Variants in NEK6 observed in about 807,000 individuals in gnomAD.
NEK6 encodes the protein serine/threonine-protein kinase Nek6.
A neutral mutation model predicts 43.5 loss-of-function variants in NEK6; 27 were observed. The ratio of observed to expected loss-of-function variants is 0.62; its 90% CI spans 0.46 to 0.86. NEK6 has a LOEUF of 0.86. NEK6 is among the 40% of genes least tolerant of loss of function. The pLI is 0.00. For synonymous variants in NEK6, 167 were observed against 164.1 expected, an observed-to-expected ratio of 1.02 and a Z score of -0.14; for missense variants, 318 against 414.4, an observed-to-expected ratio of 0.77 and a Z score of 2.02.
intron 2 of NEK6, among the ~76,000 whole-genome samples, chr9:124,305,171 T>C (rs1404919384): frequency 6.6e-6 from 1 of 152,228 alleles, no homozygotes; most frequent in Non-Finnish European, 1.5e-5. Flanking sequence ...TAGGTGTGCA[T>C]TGCACAGGCC....
intron 4 of NEK6, among the ~76,000 whole-genome samples, chr9:124,318,766 G>C (rs1833932923): frequency 6.6e-6 from 1 of 152,066 alleles, no homozygotes; most frequent in Non-Finnish European, 1.5e-5. Context: ...CCGTCTCCCG[G>C]GTTCAAGCGA....
At chr9:124,257,781 G>A, upstream of NEK6, 2 of 1,454,196 alleles carry the variant, frequency 1.4e-6, no homozygotes, top group Non-Finnish European at 1.8e-6. Context: ...TCGGCCGAGC[G>A]GATCGGCCGC....
intron 1 of NEK6, among the ~76,000 whole-genome samples, chr9:124,291,259 G>T (rs1832406326): frequency 6.6e-6 from 1 of 152,176 alleles, no homozygotes; most frequent in African/African-American, 2.4e-5. Flanking sequence ...GCCTGCCAGG[G>T]CTCTCATCTC....
At chr9:124,282,672 C>T (rs886917249) in intron 1 of NEK6, among the ~76,000 whole-genome samples, 15 of 151,724 alleles carry the variant, frequency 9.9e-5, no homozygotes, top group African/African-American at 2.9e-4. Flanking sequence ...ACGGGAGGGC[C>T]GGGATCCCCC....
At chr9:124,262,471 C>T (rs938801307) in intron 1 of NEK6, among the ~76,000 whole-genome samples, 3 of 152,264 alleles carry the variant, frequency 2.0e-5, no homozygotes, top group Non-Finnish European at 1.5e-5. Context: ...AAACAGACCC[C>T]CACATACATG....
At position 124,347,758 on chromosome 9, in the gene NEK6, C is replaced by G. The variant is rs774656051; in HGVS notation, c.767C>G (p.Ser256Cys). ...PFYGDKMNLF[S>C]LCQKIEQCDY... ...TATGGAGATAAGATGAATCTCTTCT[C>G]CCTGTGCCAGAAGATCGAGCAGTGT... is the stretch of plus-strand genomic sequence containing the variant. The change falls in exon 9 of 10, where the codon TCC becomes TGC. Residue 256 changes from serine to cysteine, a missense_variant. By Grantham distance (112) the Ser-to-Cys change is moderately radical (BLOSUM62 -1). This residue lies in a region of NEK6 where 239 missense variants were observed against 344.4 expected (regional missense o/e 0.69). Transcript: ENST00000320246. The G allele has an allele frequency of 6.2e-7, 1 of 1,613,336 alleles. No homozygotes were observed. The highest frequency in any genetic ancestry group is 1.3e-5 in the African/African-American group (1 of 75,018).
At chr9:124,288,456 G>T (rs1302150775) in intron 1 of NEK6, among the ~76,000 whole-genome samples, 2 of 152,064 alleles carry the variant, frequency 1.3e-5, no homozygotes, top group African/African-American at 2.4e-5. Flanking sequence ...CTAATTTTTT[G>T]TATTTTTAGT....
intron 2 of NEK6, 147 bp downstream of exon 2, chr9:124,302,201 C>T (rs966662921): frequency 1.3e-5 from 8 of 605,458 alleles, no homozygotes; most frequent in East Asian, 5.8e-5. Context: ...ATGGGGAGCT[C>T]GCTACCAAAT....
chr9:124,308,665 A>AAC (rs1231439276), intron 2 of NEK6, among the ~76,000 whole-genome samples: 1 of 152,128 alleles, frequency 6.6e-6, no homozygotes, highest in African/African-American at 2.4e-5. Flanking sequence ...TCAAAAAAAA[A>AAC]AAAAAAAAAA....
chr9:124,257,789 C>T (rs1029508207), upstream of NEK6: 14 of 1,441,500 alleles, frequency 9.7e-6, no homozygotes, highest in African/African-American at 1.4e-5. Flanking sequence ...GCGGATCGGC[C>T]GCAGAACTCG....
Position 124,326,343 on chromosome 9 carries a change from A to G in NEK6, c.419A>G (p.Gln140Arg), listed in dbSNP as rs1157394651. The change falls in exon 6 of 10, where the codon CAG becomes CGG. Residue 140 changes from glutamine to arginine, a missense_variant. Transcript: ENST00000320246. This position sits in a 1 kb window ranked among gnomAD's most constrained non-coding sequence, Gnocchi z 4.5. ...CCCCCACTGCAGTACTTTAAGAAGC[A>G]GAAGCGGCTCATCCCGGAGAGGACA... ...LSQMIKYFKK[Q>R]KRLIPERTVW... The G allele has an allele frequency of 6.2e-7, 1 of 1,611,306 alleles. No homozygotes were observed. The highest frequency in any genetic ancestry group is 1.1e-5 in the South Asian group (1 of 91,072).
intron 1 of NEK6, among the ~76,000 whole-genome samples, chr9:124,296,723 G>A (rs1832708273): frequency 6.6e-6 from 1 of 152,212 alleles, no homozygotes; most frequent in Non-Finnish European, 1.5e-5. Context: ...CTTGGACAGA[G>A]CCCTCCTGGT....
At chr9:124,257,930 G>A (rs979441198), upstream of NEK6, 116 of 973,684 alleles carry the variant, frequency 1.2e-4, no homozygotes, top group Middle Eastern at 5.3e-4. Flanking sequence ...CGGGCGCGCG[G>A]GCGCGCGGGC....
chr9:124,315,811 G>T (rs1456383404), intron 4 of NEK6, among the ~76,000 whole-genome samples: 1 of 152,214 alleles, frequency 6.6e-6, no homozygotes, highest in African/African-American at 2.4e-5. Context: ...TGCAGCCAAG[G>T]GCACCAAGCC....
intron 1 of NEK6, among the ~76,000 whole-genome samples, chr9:124,283,080 A>AC (rs978460447): frequency 3.9e-5 from 6 of 151,994 alleles, no homozygotes; most frequent in African/African-American, 1.5e-4. Context: ...CGCCCTGACA[A>AC]CTCCCTGCCA....
chr9:124,257,722 G>A (rs1389372954), upstream of NEK6: 2 of 1,533,362 alleles, frequency 1.3e-6, no homozygotes, highest in East Asian at 5.0e-5. Context: ...CCTGCGCCCT[G>A]TGAGTCTGGG....
At chr9:124,323,218 G>A (rs1417072661) in intron 5 of NEK6, among the ~76,000 whole-genome samples, 1 of 152,238 alleles carries the variant, frequency 6.6e-6, no homozygotes, top group African/African-American at 2.4e-5. Context: ...GGGCCTGTGG[G>A]AGTCAGAGAA....
chr9:124,291,708 A>G, intron 1 of NEK6: 1 of 405,644 alleles, frequency 2.5e-6, no homozygotes, highest in Non-Finnish European at 3.3e-6. Flanking sequence ...ATAGGTGGGG[A>G]GCGAGCACAA....
At position 124,343,930 on chromosome 9, in the gene NEK6, C is replaced by G. The variant is rs938876019; in HGVS notation, c.718-3779C>G. ...TGGCTTCAAGCAACATAAGTTTACTCTCTTAGATCTCGAGGATTCTGGAGG... is the reference window on the plus strand; with the variant it reads ...TGGCTTCAAGCAACATAAGTTTACTGTCTTAGATCTCGAGGATTCTGGAGG... On this transcript the variant is annotated intron_variant, in intron 8 of 9. Transcript: ENST00000320246. This position sits in a 1 kb window ranked among gnomAD's most constrained non-coding sequence, Gnocchi z 5.1. Among the ~76,000 whole-genome samples the G allele has an allele frequency of 6.6e-6, 1 of 152,234 alleles. No homozygotes were observed. The highest frequency in any genetic ancestry group is 2.4e-5 in the African/African-American group (1 of 41,454).
Sources: allele counts gnomAD v4.1 joint callset (sites outside exome capture counted in the v4.1 genomes callset), GRCh38; gene constraint gnomAD v4.1.1; regional missense constraint gnomAD v4.1.1; non-coding constraint Gnocchi (gnomAD v3.1); transcripts MANE v1.5; gene names NCBI Gene and HGNC (gene_info 2026-07-23, HGNC 2026-07-21).